Variants in CNTNAP2 observed in about 807,000 individuals in gnomAD.
CNTNAP2 encodes contactin associated protein 2.
CNTNAP2 carries 98 observed loss-of-function variants against 155.2 expected under a neutral mutation model. That is an observed-to-expected ratio of 0.63 (90% CI 0.54 to 0.75). The LOEUF (loss-of-function observed/expected upper bound fraction) is 0.75. CNTNAP2 is among the 30% of genes least tolerant of loss of function. CNTNAP2 has a pLI of 0.00. For missense variants in CNTNAP2, 1,727 were observed against 1,688.1 expected (o/e 1.02, Z -0.40); for synonymous variants, 651 against 631.2 (o/e 1.03, Z -0.47).
intron 1 of CNTNAP2, among the ~76,000 whole-genome samples, chr7:146,407,271 G>A (rs1795805931): frequency 6.6e-6 from 1 of 152,124 alleles, no homozygotes; most frequent in African/African-American, 2.4e-5. Context: ...TGTGGAAAAA[G>A]CATGATCAGT....
chr7:146,871,861 A>G (rs1228445881), intron 3 of CNTNAP2, among the ~76,000 whole-genome samples: 2 of 152,004 alleles, frequency 1.3e-5, no homozygotes, highest in Non-Finnish European at 2.9e-5. Context: ...TATGAGCATA[A>G]CAAATTCAAA....
chr7:148,231,139 G>A (rs1409491550), intron 20 of CNTNAP2, among the ~76,000 whole-genome samples: 1 of 152,110 alleles, frequency 6.6e-6, no homozygotes, highest in Non-Finnish European at 1.5e-5. Flanking sequence ...TATAACAGCA[G>A]AGACCCACCA....
At chr7:148,409,983 G>A (rs190868413) in intron 23 of CNTNAP2, among the ~76,000 whole-genome samples, 2 of 78,232 alleles carry the variant, frequency 2.6e-5, no homozygotes, top group South Asian at 5.0e-4. Flanking sequence ...CCTGGGAGGC[G>A]GAGCTTGCAG....
chr7:148,120,241 G>T (rs1303478699), intron 16 of CNTNAP2, among the ~76,000 whole-genome samples: 2 of 148,266 alleles, frequency 1.3e-5, no homozygotes, highest in East Asian at 2.0e-4. Flanking sequence ...AGCCCTCGGG[G>T]TCAAAGAATT....
At position 148,297,657 on chromosome 7, in the gene CNTNAP2, T is replaced by C. The variant is rs190823637; in HGVS notation, c.3475+30531T>C. ...GGAAGCAGGTAATTCTGTGATTGAA[T>C]ATCTTAATTTTTTTTTATCTTGAAG... is the stretch of plus-strand genomic sequence containing the variant. On this transcript the variant is annotated intron_variant, in intron 21 of 23. Transcript: ENST00000361727. Among the ~76,000 whole-genome samples the C allele has an allele frequency of 8.1e-4, 116 of 142,478 alleles. No homozygotes were observed. In the Middle Eastern group the frequency reaches 0.011, roughly 14 times the overall value. 93.5% of individuals were successfully genotyped at this position (142,478 alleles called of 152,430 possible).
intron 1 of CNTNAP2, among the ~76,000 whole-genome samples, chr7:146,221,160 G>T (rs1300828418): frequency 3.9e-5 from 6 of 152,012 alleles, no homozygotes. Context: ...ACAACTTTAG[G>T]ATATTGTCAC....
At chr7:148,150,490 G>A (rs1362008672) in intron 17 of CNTNAP2, among the ~76,000 whole-genome samples, 1 of 152,106 alleles carries the variant, frequency 6.6e-6, no homozygotes, top group Non-Finnish European at 1.5e-5. Context: ...AGAGCTTGCA[G>A]TGAGCCGAGA....
At chr7:147,772,571 C>A (rs558480202) in intron 13 of CNTNAP2, among the ~76,000 whole-genome samples, 1 of 148,220 alleles carries the variant, frequency 6.7e-6, no homozygotes, top group African/African-American at 2.5e-5. Flanking sequence ...CTGCACAGTT[C>A]CAGTACGTGA....
chr7:148,090,297 C>T (rs1803813812), intron 15 of CNTNAP2, among the ~76,000 whole-genome samples: 4 of 152,024 alleles, frequency 2.6e-5, no homozygotes, highest in Admixed American at 2.6e-4. Context: ...ACAAAGGAAA[C>T]AATCCAACAG....
intron 3 of CNTNAP2, among the ~76,000 whole-genome samples, chr7:146,968,741 T>G (rs1403767598): frequency 6.6e-6 from 1 of 151,940 alleles, no homozygotes; most frequent in Non-Finnish European, 1.5e-5. Context: ...ATCAATTTTG[T>G]TGATCCTTTC....
intron 1 of CNTNAP2, among the ~76,000 whole-genome samples, chr7:146,766,125 G>C (rs1280692265): frequency 2.0e-5 from 3 of 152,250 alleles, no homozygotes; most frequent in South Asian, 2.1e-4. Context: ...TCTGGCAACT[G>C]TGAAGAAAAT....
At chr7:146,741,075 C>T (rs1328388104) in intron 1 of CNTNAP2, among the ~76,000 whole-genome samples, 1 of 151,994 alleles carries the variant, frequency 6.6e-6, no homozygotes, top group Admixed American at 6.6e-5. Context: ...TGCTCACATC[C>T]CTTTCATTCT....
chr7:147,213,993 G>A lies in CNTNAP2; in HGVS notation c.1348+81484G>A, dbSNP rs10263970. On this transcript the variant is annotated intron_variant, in intron 8 of 23. Transcript: ENST00000361727. ...TGATTGAATGGTGCCCAGACACACT[G>A]AGGGCAGATCTTCCCCACTTAGTCC... Among the ~76,000 whole-genome samples, 615 of 152,208 alleles carry A rather than the reference G, an allele frequency of 4.0e-3. 5 individuals carry two copies. Among genetic ancestry groups the A allele is most frequent in the African/African-American group, 0.013 (548 of 41,542 alleles).
At chr7:146,500,092 C>T (rs552563640) in intron 1 of CNTNAP2, among the ~76,000 whole-genome samples, 1 of 150,832 alleles carries the variant, frequency 6.6e-6, no homozygotes, top group East Asian at 1.9e-4. Context: ...TTAATTTGAT[C>T]TTTTTGTGTG....
At chr7:146,295,161 G>A (rs1000863657) in intron 1 of CNTNAP2, among the ~76,000 whole-genome samples, 1 of 152,120 alleles carries the variant, frequency 6.6e-6, no homozygotes, top group East Asian at 1.9e-4. Context: ...ACTATGGAAC[G>A]TGTACTATCA....
intron 1 of CNTNAP2, among the ~76,000 whole-genome samples, chr7:146,617,623 A>G (rs180992658): frequency 2.0e-5 from 3 of 152,334 alleles, no homozygotes; most frequent in Admixed American, 6.5e-5. Context: ...CACATCTAAA[A>G]GAACCGTTTA....
intron 21 of CNTNAP2, among the ~76,000 whole-genome samples, chr7:148,277,604 C>CACT (rs1796894801): frequency 1.3e-5 from 2 of 150,158 alleles, no homozygotes; most frequent in Admixed American, 1.3e-4. Context: ...CCACCACCAC[C>CACT]GACCCCCTAC....
At chr7:147,416,657 G>A (rs1797198390) in intron 10 of CNTNAP2, among the ~76,000 whole-genome samples, 1 of 152,152 alleles carries the variant, frequency 6.6e-6, no homozygotes, top group South Asian at 2.1e-4. Context: ...ATCAACATAT[G>A]GTTCGGCTGC....
In CNTNAP2 at chr7:147,903,656, C is replaced by A; in HGVS notation, c.2190C>A (p.Cys730Ter). The change falls in exon 14 of 24, where the codon TGC (cysteine) becomes TGA (stop). Residue 730 changes from cysteine to a stop codon, truncating the protein, a stop_gained. Transcript: ENST00000361727. LOFTEE classifies it high-confidence loss of function. ...GGCCTGGAATCCAGAAATGTGCCTG[C>A]GGCATCGAACGCAACTGCACAGATC... ...GSGPGIQKCA[C>*]GIERNCTDPK... 2 of 1,614,022 alleles carry A rather than the reference C, an allele frequency of 1.2e-6. No individual in the cohort carries two copies. Among genetic ancestry groups the A allele is most frequent in the Non-Finnish European group, 1.7e-6 (2 of 1,179,966 alleles).
Sources: gnomAD v4.1 joint callset for allele counts (sites outside exome capture counted in the v4.1 genomes callset) on GRCh38, gnomAD v4.1.1 for gene constraint, MANE v1.5 for transcripts, NCBI Gene and HGNC (gene_info 2026-07-23, HGNC 2026-07-21) for gene names.